RSRC1: variants seen among roughly 807,000 people sequenced by gnomAD.
The protein encoded by RSRC1 is serine/Arginine-related protein 53.
Under a neutral mutation model 49.1 loss-of-function variants are expected in RSRC1, and 39 were observed. That is an observed-to-expected ratio of 0.79 (90% CI 0.61 to 1.04). RSRC1 has a LOEUF of 1.04. Ranked by LOEUF, RSRC1 falls within the 50% of genes least tolerant of loss-of-function variation. RSRC1 has a pLI of 0.00. For missense variants in RSRC1, 388 were observed against 402.4 expected (o/e 0.96, Z 0.31); for synonymous variants, 143 against 130.8 (o/e 1.09, Z -0.63).
chr3:158,388,612 G>GT (rs11354237), intron 6 of RSRC1, among the ~76,000 whole-genome samples: 17,124 of 143,598 alleles, frequency 0.12, 1,684 homozygotes, highest in African/African-American at 0.26. Flanking sequence ...CGTGTTTTTT[G>GT]TTTTTTTTTT....
chr3:158,119,923 C>T (rs957365933), intron 1 of RSRC1, among the ~76,000 whole-genome samples: 1 of 151,302 alleles, frequency 6.6e-6, no homozygotes, highest in Non-Finnish European at 1.5e-5. Context: ...CTCCGCCTCC[C>T]AGGTTCAAGC....
At chr3:158,351,577 G>C (rs1730876114) in intron 5 of RSRC1, among the ~76,000 whole-genome samples, 1 of 152,098 alleles carries the variant, frequency 6.6e-6, no homozygotes, top group African/African-American at 2.4e-5. Flanking sequence ...CATTTACTGG[G>C]TCAAGTGTAT....
At chr3:158,233,410 T>C (rs1723073467) in intron 4 of RSRC1, among the ~76,000 whole-genome samples, 1 of 152,132 alleles carries the variant, frequency 6.6e-6, no homozygotes, top group Admixed American at 6.6e-5. Context: ...TGATCAAAAC[T>C]GGAGAAACTG....
chr3:158,344,649 G>C (rs1730445222), intron 5 of RSRC1, among the ~76,000 whole-genome samples: 1 of 152,174 alleles, frequency 6.6e-6, no homozygotes, highest in Non-Finnish European at 1.5e-5. Flanking sequence ...AATGACACCA[G>C]ATGAAAACCT....
chr3:158,141,864 G>A (rs970293075), intron 3 of RSRC1, among the ~76,000 whole-genome samples: 19 of 152,154 alleles, frequency 1.2e-4, no homozygotes, highest in Admixed American at 2.0e-4. Flanking sequence ...TTGGGAGGCC[G>A]ATATGGGCGG....
intron 7 of RSRC1, among the ~76,000 whole-genome samples, chr3:158,476,765 T>C (rs1166882954): frequency 6.6e-6 from 1 of 152,186 alleles, no homozygotes; most frequent in Admixed American, 6.6e-5. Flanking sequence ...AAAGAACTAA[T>C]TTCAACTTTT....
chr3:158,197,224 T>G (rs1472183017), intron 3 of RSRC1, among the ~76,000 whole-genome samples: 1 of 152,210 alleles, frequency 6.6e-6, no homozygotes, highest in Non-Finnish European at 1.5e-5. Context: ...CCTGGTTTAG[T>G]CTTGGGAGGG....
chr3:158,261,716 A>G (rs1331598363), intron 4 of RSRC1, among the ~76,000 whole-genome samples: 3 of 152,196 alleles, frequency 2.0e-5, no homozygotes, highest in African/African-American at 7.2e-5. Context: ...ATTGTGAACT[A>G]TGCATGTGAA....
intron 6 of RSRC1, among the ~76,000 whole-genome samples, chr3:158,368,327 C>T (rs1731887519): frequency 6.6e-6 from 1 of 152,166 alleles, no homozygotes; most frequent in Admixed American, 6.5e-5. Flanking sequence ...TGTTATTGGG[C>T]TCTGTAGACC....
At chr3:158,358,681 A>G (rs1731296235) in intron 6 of RSRC1, among the ~76,000 whole-genome samples, 1 of 152,162 alleles carries the variant, frequency 6.6e-6, no homozygotes, top group Non-Finnish European at 1.5e-5. Flanking sequence ...AGTTTTGTAC[A>G]ACCATCAATT....
chr3:158,313,610 A>G (rs1728244718), intron 5 of RSRC1, among the ~76,000 whole-genome samples: 1 of 152,230 alleles, frequency 6.6e-6, no homozygotes, highest in African/African-American at 2.4e-5. Context: ...TAAGGAAGGC[A>G]CACGTATGAA....
chr3:158,298,094 T>G lies in RSRC1; in HGVS notation c.531+19T>G. ...ACATCTGGTAAGTTCTCATTTTCTC[T>G]TGAACATTTGCATCATCTTTGATAT... On this transcript the variant is annotated intron_variant, in intron 5 of 9. Coordinates refer to ENST00000611884, the MANE Select transcript of RSRC1 (RefSeq NM_001271838.2). The G allele has an allele frequency of 6.4e-7, 1 of 1,571,842 alleles. No individual in the cohort carries two copies. The highest frequency in any genetic ancestry group is 8.8e-7 in the Non-Finnish European group (1 of 1,142,716).
chr3:158,215,811 G>A (rs528709979), intron 4 of RSRC1, among the ~76,000 whole-genome samples: 2 of 151,642 alleles, frequency 1.3e-5, no homozygotes, highest in Non-Finnish European at 2.9e-5. Context: ...AAAGTTTATA[G>A]TTTTTGCTTT....
At chr3:158,227,358 G>A (rs572466490) in intron 4 of RSRC1, among the ~76,000 whole-genome samples, 121 of 151,698 alleles carry the variant, frequency 8.0e-4, no homozygotes, top group Admixed American at 2.4e-3. Context: ...GCTTCTTTCC[G>A]CCGATTTTCT....
intron 7 of RSRC1, among the ~76,000 whole-genome samples, chr3:158,492,715 T>C (rs1313133169): frequency 6.6e-6 from 1 of 152,252 alleles, no homozygotes; most frequent in African/African-American, 2.4e-5. Flanking sequence ...CTCTTTTTCC[T>C]ATTTAAATTA....
chr3:158,528,808 C>T (rs915204590), intron 7 of RSRC1, among the ~76,000 whole-genome samples: 2 of 151,918 alleles, frequency 1.3e-5, no homozygotes, highest in African/African-American at 4.8e-5. Context: ...ATTCTTACCA[C>T]TCTATTAAAG....
At chr3:158,505,624 A>G (rs994129170) in intron 7 of RSRC1, among the ~76,000 whole-genome samples, 7 of 152,084 alleles carry the variant, frequency 4.6e-5, no homozygotes, top group African/African-American at 1.4e-4. Context: ...AAAACTAGAT[A>G]ATAGGTATTC....
chr3:158,195,807 T>C (rs1175233489), intron 3 of RSRC1, among the ~76,000 whole-genome samples: 1 of 152,214 alleles, frequency 6.6e-6, no homozygotes, highest in Non-Finnish European at 1.5e-5. Flanking sequence ...CAGATAGTTG[T>C]AGATATGTGG....
intron 3 of RSRC1, 40 bp from the exon 4 acceptor site, chr3:158,203,031 AT>A: frequency 6.6e-7 from 1 of 1,505,952 alleles, no homozygotes; most frequent in Non-Finnish European, 9.1e-7. Flanking sequence ...CACGATACAA[AT>A]TATACACTAA....
Sources: gnomAD v4.1 joint callset for allele counts (sites outside exome capture counted in the v4.1 genomes callset) on GRCh38, gnomAD v4.1.1 for gene constraint, MANE v1.5 for transcripts, NCBI Gene and HGNC (gene_info 2026-07-23, HGNC 2026-07-21) for gene names.